Variants in TLR5 observed in about 807,000 individuals in gnomAD.
TLR5 encodes toll-like receptor 5.
For missense variants in TLR5, 944 were observed against 999.8 expected (o/e 0.94, Z 0.75); for synonymous variants, 373 against 384.4 (o/e 0.97, Z 0.35).
chr1:223,122,981 C>T (rs921467260), intron 5 of TLR5, among the ~76,000 whole-genome samples: 1 of 152,156 alleles, frequency 6.6e-6, no homozygotes, highest in African/African-American at 2.4e-5. Context: ...AGTCCAAACA[C>T]AGACCGTAGT....
At chr1:223,116,967 C>T (rs113498348) in intron 5 of TLR5, among the ~76,000 whole-genome samples, 3,223 of 152,316 alleles carry the variant, frequency 0.021, 40 homozygotes, top group Non-Finnish European at 0.03. Context: ...CGCCTGTGCT[C>T]TTCAGTCCTT....
chr1:223,128,271 G>A (rs1324981844), intron 5 of TLR5: 1 of 152,192 alleles, frequency 6.6e-6, no homozygotes, highest in African/African-American at 2.4e-5. Context: ...TTAAGGCCAC[G>A]CAGCTGTCTA....
At chr1:223,116,519 A>G (rs1291731816) in intron 5 of TLR5, among the ~76,000 whole-genome samples, 1 of 152,154 alleles carries the variant, frequency 6.6e-6, no homozygotes, top group Non-Finnish European at 1.5e-5. Flanking sequence ...TGTAGTGCAG[A>G]CCCAAAGAGC....
intron 5 of TLR5, among the ~76,000 whole-genome samples, chr1:223,124,167 G>A (rs1024826443): frequency 1.3e-5 from 2 of 152,198 alleles, no homozygotes; most frequent in African/African-American, 4.8e-5. Flanking sequence ...GATTGGGCCA[G>A]GCGCTGTGGC....
intron 2 of TLR5, among the ~76,000 whole-genome samples, chr1:223,140,600 G>GCT (rs1419565643): frequency 1.3e-5 from 2 of 151,918 alleles, no homozygotes; most frequent in Non-Finnish European, 2.9e-5. Context: ...ATCATGGCTG[G>GCT]GTGAGGAAGA....
chr1:223,138,429 AC>A (rs1283451210), intron 2 of TLR5, among the ~76,000 whole-genome samples: 4 of 150,762 alleles, frequency 2.7e-5, no homozygotes, highest in Non-Finnish European at 4.4e-5. Flanking sequence ...TCTTTTTCCC[AC>A]CCCCATGGCT....
At chr1:223,118,553 A>G (rs1322779301) in intron 5 of TLR5, among the ~76,000 whole-genome samples, 1 of 149,128 alleles carries the variant, frequency 6.7e-6, no homozygotes, top group Non-Finnish European at 1.5e-5. Flanking sequence ...TCTCAAAAAA[A>G]GAAAAAAAGA....
At chr1:223,133,088 C>T (rs950317112) in intron 4 of TLR5, among the ~76,000 whole-genome samples, 2 of 152,136 alleles carry the variant, frequency 1.3e-5, no homozygotes, top group African/African-American at 2.4e-5. Flanking sequence ...CATTTCTAAG[C>T]GGTACATCTA....
Position 223,112,952 on chromosome 1 carries a change from T to C in TLR5, c.80A>G (p.Asp27Gly), listed in dbSNP as rs771213017. ...PVFGIPSCSF[D>G]GRIAFYRFCN... ...GAAACGATAAAAGGCTATTCGGCCATCAAAGGAGCAGGAAGGAATTCCAAA... is the reference window on the plus strand; with the variant it reads ...GAAACGATAAAAGGCTATTCGGCCACCAAAGGAGCAGGAAGGAATTCCAAA... The change falls in exon 6 of 6, where the codon GAT becomes GGT. Residue 27 changes from aspartate (D) to glycine (G), a missense_variant. Physicochemically the swap from Asp to Gly is moderately conservative, Grantham distance 94. Transcript: ENST00000642603. 2 of 1,614,048 alleles carry C rather than the reference T, an allele frequency of 1.2e-6. No individual in the cohort carries two copies. Among genetic ancestry groups the C allele is most frequent in the Non-Finnish European group, 1.7e-6 (2 of 1,180,010 alleles).
In TLR5 at chr1:223,112,457, G is replaced by A. The variant is rs1361239275; in HGVS notation, c.575C>T (p.Pro192Leu). ...IFLVCEHELE[P>L]LQGKTLSFFS... The stretch of plus-strand genomic sequence containing the variant: ...AAAGGAGAGCGTTTTCCCTTGTAGG[G>A]GCTCGAGCTCATGTTCACATACAAG... Residue 192 changes from proline to leucine, a missense_variant, in exon 6 of 6, where the codon CCC becomes CTC. Pro to Leu is a moderately conservative substitution (Grantham distance 98). Coordinates refer to ENST00000642603, the MANE Select transcript of TLR5 (RefSeq NM_003268.6). The A allele has an allele frequency of 6.2e-7, 1 of 1,614,196 alleles. No individual in the cohort carries two copies. The highest frequency in any genetic ancestry group is 2.2e-5 in the East Asian group (1 of 44,884).
At chr1:223,123,273 T>C (rs1657022609) in intron 5 of TLR5, among the ~76,000 whole-genome samples, 1 of 152,296 alleles carries the variant, frequency 6.6e-6, no homozygotes, top group East Asian at 1.9e-4. Flanking sequence ...AAATTCTTTG[T>C]TTTTATGGAT....
chr1:223,129,895 GTTGAT>G (rs777363349), intron 5 of TLR5, among the ~76,000 whole-genome samples: 11 of 152,152 alleles, frequency 7.2e-5, no homozygotes, highest in African/African-American at 2.4e-4. Flanking sequence ...CTGCAGAACG[GTTGAT>G]TTATTTACTG....
In TLR5 at chr1:223,110,348, A is replaced by G; in HGVS notation, c.*107T>C. 8.2e-7 allele frequency: 1 copy of G among 1,216,802 alleles called. No homozygotes were observed. The highest frequency in any genetic ancestry group is 1.2e-6 in the Non-Finnish European group (1 of 852,822). 75.4% of individuals were successfully genotyped at this position (1,216,802 alleles called of 1,614,324 possible). On this transcript the variant is annotated 3_prime_UTR_variant, in exon 6 of 6. Transcript: ENST00000642603. Reference sequence around the variant, plus strand: ...GATTTATGTTGTTTTCATAGTAGCAAAAAGAAAAAAAAAACCTCCAGAGAG... The same window carrying G: ...GATTTATGTTGTTTTCATAGTAGCAGAAAGAAAAAAAAAACCTCCAGAGAG...
intron 5 of TLR5, among the ~76,000 whole-genome samples, chr1:223,118,955 T>C (rs1414155188): frequency 6.6e-6 from 1 of 151,664 alleles, no homozygotes; most frequent in Non-Finnish European, 1.5e-5. Flanking sequence ...AATACAAAAA[T>C]TAGCCAGGCA....
Position 223,112,954 on chromosome 1 carries a change from A to C in TLR5, c.78T>G (p.Phe26Leu). Reference sequence around the variant, plus strand: ...AACGATAAAAGGCTATTCGGCCATCAAAGGAGCAGGAAGGAATTCCAAACA... The same window carrying C: ...AACGATAAAAGGCTATTCGGCCATCCAAGGAGCAGGAAGGAATTCCAAACA... Reference protein sequence around the residue: ...GPVFGIPSCSFDGRIAFYRFC... With the variant: ...GPVFGIPSCSLDGRIAFYRFC... The change falls in exon 6 of 6, where the codon TTT (phenylalanine) becomes TTG (leucine). Residue 26 changes from phenylalanine (F) to leucine (L), a missense_variant. Transcript: ENST00000642603. 6.2e-7 allele frequency: 1 copy of C among 1,614,194 alleles called. No homozygotes were observed. The highest frequency in any genetic ancestry group is 8.5e-7 in the Non-Finnish European group (1 of 1,180,040).
chr1:223,135,846 C>A (rs1474133220), intron 3 of TLR5, among the ~76,000 whole-genome samples: 1 of 152,176 alleles, frequency 6.6e-6, no homozygotes, highest in Non-Finnish European at 1.5e-5. Flanking sequence ...TAAATAGCAA[C>A]TTTTTCCCCC....
At chr1:223,116,696 C>G (rs1656672418) in intron 5 of TLR5, among the ~76,000 whole-genome samples, 1 of 151,966 alleles carries the variant, frequency 6.6e-6, no homozygotes. Flanking sequence ...GCTGATTGGT[C>G]TGTTTTACAA....
chr1:223,116,051 C>T (rs910041464), intron 5 of TLR5, among the ~76,000 whole-genome samples: 6 of 152,218 alleles, frequency 3.9e-5, no homozygotes, highest in African/African-American at 1.4e-4. Context: ...TTCTCCTGCA[C>T]ACACTATTTG....
Position 223,112,974 on chromosome 1 carries a change from C to G in TLR5, c.58G>C (p.Gly20Arg). The G allele has an allele frequency of 6.2e-7, 1 of 1,614,114 alleles. No homozygotes were observed. Among genetic ancestry groups the G allele is most frequent in the Non-Finnish European group, 8.5e-7 (1 of 1,180,024 alleles). ...CCATCAAAGGAGCAGGAAGGAATTCCAAACACAGGACCGGCCATGAGCACC... is the reference window on the plus strand; with the variant it reads ...CCATCAAAGGAGCAGGAAGGAATTCGAAACACAGGACCGGCCATGAGCACC... ...GVVLMAGPVFGIPSCSFDGRI... is the reference protein window; with the variant it reads ...GVVLMAGPVFRIPSCSFDGRI... Residue 20 changes from glycine to arginine, a missense_variant, in exon 6 of 6, where the codon GGA (glycine) becomes CGA (arginine). Transcript: ENST00000642603.
Sources: gnomAD v4.1 joint callset for allele counts (sites outside exome capture counted in the v4.1 genomes callset) on GRCh38, gnomAD v4.1.1 for gene constraint, MANE v1.5 for transcripts, NCBI Gene and HGNC (gene_info 2026-07-23, HGNC 2026-07-21) for gene names.